The following NUMB variants were observed in gnomAD, a reference collection of about 807,000 sequenced individuals.
NUMB encodes the protein NUMB endocytic adaptor protein.
Under a neutral mutation model 59.7 loss-of-function variants are expected in NUMB, and 29 were observed. That is an observed-to-expected ratio of 0.49 (90% confidence interval 0.36 to 0.66). NUMB has a LOEUF of 0.66. Ranked by LOEUF, NUMB falls within the 30% of genes least tolerant of loss-of-function variation. NUMB has a pLI of 0.00. For missense variants in NUMB, 723 were observed against 822.0 expected (o/e 0.88, Z 1.47); for synonymous variants, 288 against 288.2 (o/e 1.00, Z 0.01).
chr14:73,281,082 G>A (rs2139800950), intron 11 of NUMB, among the ~76,000 whole-genome samples: 1 of 152,186 alleles, frequency 6.6e-6, no homozygotes, highest in Non-Finnish European at 1.5e-5. Context: ...GAAACTGGGA[G>A]CCCTCTAAAG....
intron 1 of NUMB, among the ~76,000 whole-genome samples, chr14:73,416,818 A>G (rs952738075): frequency 3.3e-5 from 5 of 152,038 alleles, no homozygotes; most frequent in Non-Finnish European, 7.4e-5. Flanking sequence ...AATACAGGGT[A>G]GAAGAGGGCA....
chr14:73,408,162 A>C lies in NUMB; in HGVS notation c.-101+1775T>G, dbSNP rs924206460. Among the ~76,000 whole-genome samples, 28 of 151,864 alleles carry C rather than the reference A, an allele frequency of 1.8e-4. 1 individual carries two copies. The highest frequency in any genetic ancestry group is 6.5e-4 in the African/African-American group (27 of 41,358). On this transcript the variant is annotated intron_variant, in intron 2 of 12. Coordinates refer to ENST00000555238, the MANE Select transcript of NUMB (RefSeq NM_001005743.2). The stretch of plus-strand genomic sequence containing the variant: ...GAATGGCATGAACCTGGGAGGCAGA[A>C]CTTGCAGTGAGCTGAGATTGCGCCA...
chr14:73,290,582 C>T (rs973257506), intron 8 of NUMB, among the ~76,000 whole-genome samples: 1 of 152,194 alleles, frequency 6.6e-6, no homozygotes, highest in African/African-American at 2.4e-5. Context: ...AGACCATGGC[C>T]ACTACTTATC....
At chr14:73,420,419 T>C (rs1436073990) in intron 1 of NUMB, among the ~76,000 whole-genome samples, 1 of 152,174 alleles carries the variant, frequency 6.6e-6, no homozygotes, top group Non-Finnish European at 1.5e-5. Context: ...GTGTATCACA[T>C]GTATAAGGGT....
At chr14:73,334,743 G>C (rs1258249592) in intron 4 of NUMB, among the ~76,000 whole-genome samples, 2 of 151,914 alleles carry the variant, frequency 1.3e-5, no homozygotes, top group African/African-American at 4.8e-5. Flanking sequence ...TCAGGAGTTC[G>C]AGACCAACCT....
chr14:73,371,894 C>T (rs1894690350), intron 2 of NUMB, among the ~76,000 whole-genome samples: 1 of 151,990 alleles, frequency 6.6e-6, no homozygotes, highest in Non-Finnish European at 1.5e-5. Flanking sequence ...TTATAAATTA[C>T]CCAGTCTCAG....
In NUMB at chr14:73,276,553, C is replaced by G. The variant is rs780568361; in HGVS notation, c.*25G>C. ...CCCCCTGCTCCCTGTCTGGTATGGACAAGATACATAGCCATAATGATTGCT... is the reference window on the plus strand; with the variant it reads ...CCCCCTGCTCCCTGTCTGGTATGGAGAAGATACATAGCCATAATGATTGCT... On this transcript the variant is annotated 3_prime_UTR_variant, in exon 13 of 13. Coordinates refer to ENST00000555238, the MANE Select transcript of NUMB (RefSeq NM_001005743.2). The G allele has an allele frequency of 6.3e-7, 1 of 1,579,488 alleles. No individual in the cohort carries two copies. Among genetic ancestry groups the G allele is most frequent in the Non-Finnish European group, 8.7e-7 (1 of 1,154,120 alleles).
At position 73,353,069 on chromosome 14, in the gene NUMB, CTTGTTTT is replaced by C. The variant is rs1339489830; in HGVS notation, c.126+2550_126+2556del. Among the ~76,000 whole-genome samples, 19 of 18,082 alleles carry C rather than the reference CTTGTTTT, an allele frequency of 1.1e-3. 1 individual carries two copies. Among genetic ancestry groups the C allele is most frequent in the Non-Finnish European group, 1.6e-3 (16 of 9,834 alleles). 11.9% of individuals were successfully genotyped at this position (18,082 alleles called of 152,430 possible). On this transcript the variant is annotated intron_variant, in intron 4 of 12. Transcript: ENST00000555238. The stretch of plus-strand genomic sequence containing the variant: ...CAACTTAATGGATGCCACAGTTTTT[CTTGTTTT>C]TTTTTTTTTTTTTTTTTTTTTTTTT...
At chr14:73,366,585 CT>C (rs1359320550) in intron 3 of NUMB, among the ~76,000 whole-genome samples, 1 of 152,106 alleles carries the variant, frequency 6.6e-6, no homozygotes, top group Non-Finnish European at 1.5e-5. Context: ...GATAGGAAAA[CT>C]GATGTATGGA....
At chr14:73,285,093 C>T (rs1888895654) in intron 9 of NUMB, 1 of 152,210 alleles carries the variant, frequency 6.6e-6, no homozygotes, top group Non-Finnish European at 1.5e-5. Flanking sequence ...GGTGATCCAC[C>T]TGCCTCCGCC....
intron 2 of NUMB, among the ~76,000 whole-genome samples, chr14:73,374,967 C>T (rs1016566151): frequency 6.6e-6 from 1 of 151,916 alleles, no homozygotes; most frequent in African/African-American, 2.4e-5. Flanking sequence ...CTGATCTGCC[C>T]GCTTCGGACA....
At chr14:73,401,563 A>ATTTTT (rs1164847403) in intron 2 of NUMB, among the ~76,000 whole-genome samples, 29 of 110,028 alleles carry the variant, frequency 2.6e-4, no homozygotes, top group African/African-American at 4.5e-4. Context: ...GTAAGACTAA[A>ATTTTT]TTTTTTTTTT....
chr14:73,372,239 A>G (rs1894708811), intron 2 of NUMB, among the ~76,000 whole-genome samples: 1 of 149,160 alleles, frequency 6.7e-6, no homozygotes, highest in Admixed American at 6.8e-5. Context: ...TCTCAAAAAA[A>G]AAGAGGTGAA....
At chr14:73,311,502 A>G (rs1164100996) in intron 6 of NUMB, among the ~76,000 whole-genome samples, 1 of 152,192 alleles carries the variant, frequency 6.6e-6, no homozygotes, top group Admixed American at 6.5e-5. Context: ...AAGTTTCTGG[A>G]GACACTGCTC....
intron 9 of NUMB, chr14:73,286,221 TTTAA>T (rs1385331492): frequency 1.3e-4 from 7 of 53,942 alleles, no homozygotes; most frequent in African/African-American, 4.9e-4. Context: ...TTTTTTTTTT[TTTAA>T]GGGATAGAGT....
rs1435828767 is a variant in NUMB at position 73,355,654 on chromosome 14, C to T, written c.98G>A (p.Arg33His). Residue 33 changes from arginine to histidine, a missense_variant, in exon 4 of 13, where the codon CGC (arginine) becomes CAC (histidine). By Grantham distance (29) the Arg-to-His change is conservative. Coordinates refer to ENST00000555238, the MANE Select transcript of NUMB (RefSeq NM_001005743.2). Reference sequence around the variant, plus strand: ...AACCGGGAAGCTACATTTTCCGGTGCGAACGCCTTCTTCATCTGTCTGCCA... The same window carrying T: ...AACCGGGAAGCTACATTTTCCGGTGTGAACGCCTTCTTCATCTGTCTGCCA... ...HQWQTDEEGV[R>H]TGKCSFPVKY... 16 of 1,613,518 alleles carry T rather than the reference C, an allele frequency of 9.9e-6. No individual in the cohort carries two copies. Among genetic ancestry groups the T allele is most frequent in the South Asian group, 7.7e-5 (7 of 90,990 alleles).
intron 3 of NUMB, among the ~76,000 whole-genome samples, chr14:73,365,113 C>T (rs187778362): frequency 2.0e-5 from 3 of 152,146 alleles, no homozygotes; most frequent in African/African-American, 7.2e-5. Flanking sequence ...GATCTCGGTT[C>T]ACTGCAACCT....
intron 3 of NUMB, among the ~76,000 whole-genome samples, chr14:73,363,769 C>G (rs981490947): frequency 2.6e-5 from 4 of 152,016 alleles, no homozygotes; most frequent in Non-Finnish European, 5.9e-5. Context: ...GGCAACATAG[C>G]AAGACCTCAT....
At chr14:73,340,360 C>T (rs1319462013) in intron 4 of NUMB, among the ~76,000 whole-genome samples, 1 of 152,168 alleles carries the variant, frequency 6.6e-6, no homozygotes, top group African/African-American at 2.4e-5. Flanking sequence ...CAAAAACCAA[C>T]CCCACCCCAG....
Sources: allele counts gnomAD v4.1 joint callset (sites outside exome capture counted in the v4.1 genomes callset), GRCh38; gene constraint gnomAD v4.1.1; transcripts MANE v1.5; gene names NCBI Gene and HGNC (gene_info 2026-07-23, HGNC 2026-07-21).